Variants in TGM5 observed in about 807,000 individuals in gnomAD.
TGM5 encodes the protein protein-glutamine gamma-glutamyltransferase 5.
A neutral mutation model predicts 77.2 loss-of-function variants in TGM5; 69 were observed. The ratio of observed to expected loss-of-function variants is 0.89; its 90% CI spans 0.74 to 1.09. The LOEUF is 1.09. Among genes scored for constraint, TGM5 ranks in the 50% least tolerant of loss-of-function variants. The pLI is 0.00. For missense variants in TGM5, 842 were observed against 896.5 expected (o/e 0.94, Z 0.78); for synonymous variants, 346 against 351.8 (o/e 0.98, Z 0.18).
rs1448044415 is a variant in TGM5, at chr15:43,239,220, G to A, written c.1048C>T (p.Pro350Ser). ...NECWMARKDL[P>S]PAYGGWQVLD... ...ACCTGCCAGCCTCCATATGCAGGGG[G>A]CAGATCCTTCCGGGCCATCCAGCAC... Residue 350 changes from proline to serine, a missense_variant, in exon 8 of 13, where the codon CCC (proline) becomes TCC (serine). Pro to Ser is a moderately conservative substitution (Grantham distance 74). Coordinates refer to ENST00000220420, the MANE Select transcript of TGM5 (RefSeq NM_201631.4). 2.5e-6 allele frequency: 4 copies of A among 1,614,128 alleles called. No individual in the cohort carries two copies. Among genetic ancestry groups the A allele is most frequent in the African/African-American group, 2.7e-5 (2 of 75,036 alleles).
At chr15:43,258,469 C>T (rs1487485441) in intron 3 of TGM5, among the ~76,000 whole-genome samples, 1 of 152,184 alleles carries the variant, frequency 6.6e-6, no homozygotes, top group Non-Finnish European at 1.5e-5. Flanking sequence ...TTTGCAGGGT[C>T]CTAGAACTGT....
Position 43,256,700 on chromosome 15 carries a change from T to A in TGM5, c.437-14A>T. The A allele has an allele frequency of 6.3e-7, 1 of 1,575,814 alleles. No homozygotes were observed. The highest frequency in any genetic ancestry group is 1.1e-5 in the South Asian group (1 of 90,258). On this transcript the variant is annotated splice_polypyrimidine_tract_variant and intron_variant, in intron 3 of 12. Coordinates refer to ENST00000220420, the MANE Select transcript of TGM5 (RefSeq NM_201631.4). ...AGACAGCATCCTCTAGGAACCAGAG[T>A]GGGAGGGCACGAAGCAGAAAAGTCA...
intron 1 of TGM5, among the ~76,000 whole-genome samples, chr15:43,265,596 G>A (rs572339813): frequency 1.3e-5 from 2 of 152,284 alleles, no homozygotes; most frequent in East Asian, 3.9e-4. Context: ...TGACTACTGG[G>A]CATATTTGTT....
At chr15:43,235,253 G>A (rs1009582910) in intron 10 of TGM5, among the ~76,000 whole-genome samples, 3 of 148,702 alleles carry the variant, frequency 2.0e-5, no homozygotes, top group Middle Eastern at 3.5e-3. Flanking sequence ...GAGATACAAC[G>A]AAGGAAGGAA....
At chr15:43,261,399 C>A (rs1182297707) in intron 1 of TGM5, among the ~76,000 whole-genome samples, 1 of 152,104 alleles carries the variant, frequency 6.6e-6, no homozygotes, top group Admixed American at 6.5e-5. Context: ...GCTAGCTGCT[C>A]TTCTTTTAGC....
At position 43,233,073 on chromosome 15, in the gene TGM5, G is replaced by T; in HGVS notation, c.*118C>A. 1 of 1,261,488 alleles carries T rather than the reference G, an allele frequency of 7.9e-7. No individual in the cohort carries two copies. Among genetic ancestry groups the T allele is most frequent in the Non-Finnish European group, 1.1e-6 (1 of 893,900 alleles). 78.1% of individuals were successfully genotyped at this position (1,261,488 alleles called of 1,614,324 possible). On this transcript the variant is annotated 3_prime_UTR_variant, in exon 13 of 13. Transcript: ENST00000220420. ...AAAATGAACACGTCATCCCCTCTGT[G>T]GCTCTTGCTGGAGCCCTGTGAAGCC...
At chr15:43,252,667 A>G (rs2042712556) in intron 6 of TGM5, 92 bp downstream of exon 6, 2 of 1,477,548 alleles carry the variant, frequency 1.4e-6, no homozygotes, top group South Asian at 1.1e-5. Context: ...CTTGGTGGGA[A>G]CTGTGTGGGA....
chr15:43,247,473 C>T (rs905623514), intron 6 of TGM5, among the ~76,000 whole-genome samples: 14 of 151,552 alleles, frequency 9.2e-5, no homozygotes, highest in Non-Finnish European at 1.5e-4. Flanking sequence ...CAGGTACCCC[C>T]GAATCTAAAA....
At chr15:43,260,773 C>T (rs2042780183) in intron 1 of TGM5, 194 bp from the exon 2 acceptor site, 7 of 695,758 alleles carry the variant, frequency 1.0e-5, no homozygotes, top group African/African-American at 5.3e-5. Context: ...TCCATGCATG[C>T]GCTTTCCTCT....
At position 43,261,067 on chromosome 15, in the gene TGM5, TGTGTGTG is replaced by T. The variant is rs1485601918; in HGVS notation, c.11-495_11-489del. On this transcript the variant is annotated intron_variant, in intron 1 of 12. Transcript: ENST00000220420. ...TTGGGCTAGCTGCTCTTCCTTTTTTTGTGTGTGTGTTTTTTTTTTTTTTTTTTTTTTT... is the reference window on the plus strand; with the variant it reads ...TTGGGCTAGCTGCTCTTCCTTTTTTTTGTTTTTTTTTTTTTTTTTTTTTTT... Among the ~76,000 whole-genome samples the T allele has an allele frequency of 3.1e-3, 185 of 58,958 alleles. 36 individuals carry two copies. Among genetic ancestry groups the T allele is most frequent in the African/African-American group, 8.6e-3 (132 of 15,318 alleles). 38.7% of individuals were successfully genotyped at this position (58,958 alleles called of 152,430 possible). A position where few individuals can be genotyped will look rare whatever the true frequency, so the allele number is the denominator to read the frequency against.
Position 43,249,456 on chromosome 15 carries a change from C to T in TGM5, c.862+3303G>A, listed in dbSNP as rs192600356. Among the ~76,000 whole-genome samples, 1,326 of 152,334 alleles carry T rather than the reference C, an allele frequency of 8.7e-3. 16 individuals are homozygous for T. The highest frequency in any genetic ancestry group is 0.012 in the Non-Finnish European group (830 of 68,036). Reference sequence around the variant, plus strand: ...CCCTCCTCCCAGCCCTAAGCAACCACGCTCTACTTTCTATCTCTATGAATT... The same window carrying T: ...CCCTCCTCCCAGCCCTAAGCAACCATGCTCTACTTTCTATCTCTATGAATT... On this transcript the variant is annotated intron_variant, in intron 6 of 12. Coordinates refer to ENST00000220420, the MANE Select transcript of TGM5 (RefSeq NM_201631.4).
intron 9 of TGM5, among the ~76,000 whole-genome samples, 163 bp downstream of exon 9, chr15:43,238,651 CATG>C (rs1191743005): frequency 5.9e-5 from 9 of 152,154 alleles, no homozygotes; most frequent in African/African-American, 2.2e-4. Flanking sequence ...GTGGGGGTGT[CATG>C]AAGAAGTGAG....
intron 10 of TGM5, 43 bp downstream of exon 10, chr15:43,235,426 T>G: frequency 1.9e-6 from 3 of 1,613,612 alleles, no homozygotes; most frequent in Non-Finnish European, 2.5e-6. Context: ...CCACTGACAT[T>G]GCCAAAACCA....
At position 43,255,850 on chromosome 15, in the gene TGM5, A is replaced by C. The variant is rs150391036; in HGVS notation, c.555+718T>G. On this transcript the variant is annotated intron_variant, in intron 4 of 12. Coordinates refer to ENST00000220420, the MANE Select transcript of TGM5 (RefSeq NM_201631.4). ...AAAGGCAGGAGGTGCAGAGCATTGC[A>C]ATTAATATGACGTTATTTTTACGTA... Among the ~76,000 whole-genome samples the C allele has an allele frequency of 4.6e-5, 7 of 152,318 alleles. No individual in the cohort carries two copies. In the East Asian group the frequency reaches 1.4e-3, roughly 29 times the overall value.
At chr15:43,234,983 C>T in intron 10 of TGM5, 54 bp from the exon 11 acceptor site, 2 of 1,604,066 alleles carry the variant, frequency 1.2e-6, no homozygotes, top group Non-Finnish European at 1.7e-6. Context: ...TCAGCCGTAC[C>T]TGGGTTGGAC....
chr15:43,258,718 C>A (rs569135324), intron 3 of TGM5, among the ~76,000 whole-genome samples: 2 of 152,344 alleles, frequency 1.3e-5, no homozygotes, highest in South Asian at 4.1e-4. Context: ...ACCCTCCTGT[C>A]CTGCAGCACC....
At chr15:43,237,200 C>T (rs1441747754) in intron 9 of TGM5, among the ~76,000 whole-genome samples, 6 of 152,214 alleles carry the variant, frequency 3.9e-5, no homozygotes, top group African/African-American at 1.4e-4. Flanking sequence ...AAGCCCTGCC[C>T]ATATTCCCTT....
chr15:43,254,465 G>A (rs75122489), intron 4 of TGM5, among the ~76,000 whole-genome samples: 1,639 of 152,186 alleles, frequency 0.011, 78 homozygotes, highest in Admixed American at 0.086. Flanking sequence ...GAATTAGGAG[G>A]CTTCTCTGAT....
intron 6 of TGM5, among the ~76,000 whole-genome samples, chr15:43,243,344 C>A (rs983129786): frequency 6.6e-6 from 1 of 152,184 alleles, no homozygotes; most frequent in Non-Finnish European, 1.5e-5. Flanking sequence ...TTCAACTCAC[C>A]ACTATCCTGA....
Sources: allele counts gnomAD v4.1 joint callset (sites outside exome capture counted in the v4.1 genomes callset), GRCh38; gene constraint gnomAD v4.1.1; transcripts MANE v1.5; gene names NCBI Gene and HGNC (gene_info 2026-07-23, HGNC 2026-07-21).